IFNGR1: variants seen among roughly 807,000 people sequenced by gnomAD.
IFNGR1 encodes the protein AVP, type 2.
IFNGR1 carries 23 observed loss-of-function variants against 35.4 expected under a neutral mutation model. The ratio of observed to expected loss-of-function variants is 0.65; its 90% CI spans 0.47 to 0.92. IFNGR1 has a LOEUF of 0.92. Among genes scored for constraint, IFNGR1 ranks in the 40% least tolerant of loss-of-function variants. IFNGR1 has a pLI of 0.00. For missense variants in IFNGR1, 533 were observed against 583.4 expected (o/e 0.91, Z 0.89); for synonymous variants, 199 against 209.5 (o/e 0.95, Z 0.43).
chr6:137,198,574 C>T lies in IFNGR1; in HGVS notation c.927G>A (p.Thr309=), dbSNP rs148579116. The change falls in exon 7 of 7, where the codon ACG becomes ACA. Residue 309 remains threonine, a synonymous_variant. Coordinates refer to ENST00000367739, the MANE Select transcript of IFNGR1 (RefSeq NM_000416.3). Reference sequence around the variant, plus strand: ...TTTCTAAGGAAAATGGCTGGTATGACGTGATGAGTGATACATATTTTGATT... The same window carrying T: ...TTTCTAAGGAAAATGGCTGGTATGATGTGATGAGTGATACATATTTTGATT... ...KPESKYVSLI[T]SYQPFSLEKE... 1.3e-5 allele frequency: 21 copies of T among 1,613,750 alleles called. No individual in the cohort carries two copies. The East Asian group carries it at 2.5e-4, about 19-fold the overall frequency.
intron 4 of IFNGR1, 68 bp from the exon 5 acceptor site, chr6:137,203,753 A>T: frequency 4.0e-6 from 5 of 1,258,646 alleles, no homozygotes; most frequent in Non-Finnish European, 5.7e-6. Context: ...AAAAATCACC[A>T]TATTAGTCCT....
At position 137,200,985 on chromosome 6, in the gene IFNGR1, C is replaced by G; in HGVS notation, c.757G>C (p.Ala253Pro). Residue 253 changes from alanine (A) to proline (P), a missense_variant, in exon 6 of 7, where the codon GCT becomes CCT. Transcript: ENST00000367739. ...AGCACTAGAAAGAGTAGTAAAGCAGCAACAACTGGAATCCAAAGAGAACCT... is the reference window on the plus strand; with the variant it reads ...AGCACTAGAAAGAGTAGTAAAGCAGGAACAACTGGAATCCAAAGAGAACCT... ...IKGSLWIPVV[A>P]ALLLFLVLSL... The G allele has an allele frequency of 6.2e-7, 1 of 1,613,276 alleles. No individual in the cohort carries two copies. The highest frequency in any genetic ancestry group is 8.5e-7 in the Non-Finnish European group (1 of 1,179,470).
chr6:137,204,449 A>C lies in IFNGR1; in HGVS notation c.429T>G (p.Ile143Met), dbSNP rs750396277. Residue 143 changes from isoleucine (I) to methionine (M), a missense_variant, in exon 4 of 7, where the codon ATT (isoleucine) becomes ATG (methionine). Coordinates refer to ENST00000367739, the MANE Select transcript of IFNGR1 (RefSeq NM_000416.3). Reference protein sequence around the residue: ...DIRKEEKQIMIDIFHPSVFVN... With the variant: ...DIRKEEKQIMMDIFHPSVFVN... Reference sequence around the variant, plus strand: ...CAAAAACTGAAGGGTGAAATATGTCAATCATGATTTGCTTCTCCTCCTTTC... The same window carrying C: ...CAAAAACTGAAGGGTGAAATATGTCCATCATGATTTGCTTCTCCTCCTTTC... 1.2e-6 allele frequency: 2 copies of C among 1,613,952 alleles called. No homozygotes were observed. Among genetic ancestry groups the C allele is most frequent in the South Asian group, 2.2e-5 (2 of 91,078 alleles).
rs17175350 is a variant in IFNGR1, at chr6:137,198,497, T to G, written c.1004A>C (p.His335Pro). 7.9e-4 allele frequency: 1,271 copies of G among 1,614,194 alleles called. 7 individuals carry two copies. The African/African-American group carries it at 0.015, about 19-fold the overall frequency. The change falls in exon 7 of 7, where the codon CAT becomes CCT. Residue 335 changes from histidine (H) to proline (P), a missense_variant. By Grantham distance (77) the His-to-Pro change is moderately conservative. Transcript: ENST00000367739. ...PLSPATVPGM[H>P]TEDNPGKVEH... is the part of the protein sequence containing the mutation. Reference sequence around the variant, plus strand: ...CACTTTTCCTGGATTGTCTTCGGTATGCATGCCTGGAACTGTTGCTGGAGA... The same window carrying G: ...CACTTTTCCTGGATTGTCTTCGGTAGGCATGCCTGGAACTGTTGCTGGAGA...
At chr6:137,199,410 T>C (rs1394595610) in intron 6 of IFNGR1, among the ~76,000 whole-genome samples, 2 of 122,936 alleles carry the variant, frequency 1.6e-5, no homozygotes, top group African/African-American at 6.1e-5. Flanking sequence ...TAATTTATAA[T>C]ATATTATATA....
At chr6:137,206,350 TTAAA>T (rs1307401507) in intron 2 of IFNGR1, 42 bp from the exon 3 acceptor site, 2 of 1,440,316 alleles carry the variant, frequency 1.4e-6, no homozygotes, top group Non-Finnish European at 9.8e-7. Flanking sequence ...TTTATTGTTA[TTAAA>T]TAAACTCAAA....
chr6:137,207,053 A>G lies in IFNGR1; in HGVS notation c.110T>C (p.Ile37Thr), dbSNP rs945137618. The G allele has an allele frequency of 6.2e-7, 1 of 1,614,034 alleles. No individual in the cohort carries two copies. The highest frequency in any genetic ancestry group is 2.2e-5 in the East Asian group (1 of 44,852). The change falls in exon 2 of 7, where the codon ATT becomes ACT. Residue 37 changes from isoleucine to threonine, a missense_variant. Physicochemically the swap from Ile to Thr is moderately conservative, Grantham distance 89. Coordinates refer to ENST00000367739, the MANE Select transcript of IFNGR1 (RefSeq NM_000416.3). Reference protein sequence around the residue: ...SSVPTPTNVTIESYNMNPIVY... With the variant: ...SSVPTPTNVTTESYNMNPIVY... ...GATAGGGTTCATGTTATAGGATTCAATTGTAACATTAGTTGGTGTAGGCAC... is the reference window on the plus strand; with the variant it reads ...GATAGGGTTCATGTTATAGGATTCAGTTGTAACATTAGTTGGTGTAGGCAC...
At chr6:137,215,301 T>C in intron 1 of IFNGR1, 1 of 1,549,316 alleles carries the variant, frequency 6.5e-7, no homozygotes, top group Non-Finnish European at 8.7e-7. Flanking sequence ...GAAGACTATT[T>C]TCTGGTGACT....
At position 137,200,707 on chromosome 6, in the gene IFNGR1, C is replaced by G. The variant is rs1779256885; in HGVS notation, c.861+174G>C. Among the ~76,000 whole-genome samples, 3 of 151,782 alleles carry G rather than the reference C, an allele frequency of 2.0e-5. No homozygotes were observed. In the South Asian group the frequency reaches 6.2e-4, roughly 31 times the overall value. On this transcript the variant is annotated intron_variant, in intron 6 of 6. Coordinates refer to ENST00000367739, the MANE Select transcript of IFNGR1 (RefSeq NM_000416.3). ...TGAGAATAAAAAAAAAAACAAAATA[C>G]TTGCTGCACAGCAAAAGACACAGTA...
In IFNGR1 at chr6:137,197,908, A is replaced by C. The variant is rs1377458270; in HGVS notation, c.*123T>G. 2 of 1,290,218 alleles carry C rather than the reference A, an allele frequency of 1.6e-6. No homozygotes were observed. The highest frequency in any genetic ancestry group is 2.4e-5 in the East Asian group (1 of 42,520). The allele number at this position is 1,290,218 out of a possible 1,614,324, so 79.9% of individuals were successfully genotyped here. ...CCTCTTTACGCTTTCATGTACACTA[A>C]GTCACTCCATTTGGTTGATACCAAC... is the stretch of plus-strand genomic sequence containing the variant. On this transcript the variant is annotated 3_prime_UTR_variant, in exon 7 of 7. Coordinates refer to ENST00000367739, the MANE Select transcript of IFNGR1 (RefSeq NM_000416.3).
At chr6:137,211,276 T>C (rs1779567160) in intron 1 of IFNGR1, among the ~76,000 whole-genome samples, 3 of 152,106 alleles carry the variant, frequency 2.0e-5, no homozygotes, top group African/African-American at 7.2e-5. Context: ...AATTTAAGTG[T>C]TCTTTAAAAA....
intron 1 of IFNGR1, 95 bp from the exon 2 acceptor site, chr6:137,207,172 T>C (rs1779455625): frequency 6.7e-7 from 1 of 1,484,850 alleles, no homozygotes; most frequent in South Asian, 1.3e-5. Context: ...CCCAGATATG[T>C]ATATTTGAAG....
chr6:137,202,651 AATC>A lies in IFNGR1; in HGVS notation c.733+845_733+847del, dbSNP rs961432010. Reference sequence around the variant, plus strand: ...CACACACACACACACACACAAAGATAATCATCAAAGCATGAGTTACAATATATG... The same window carrying A: ...CACACACACACACACACACAAAGATAATCAAAGCATGAGTTACAATATATG... On this transcript the variant is annotated intron_variant, in intron 5 of 6. Coordinates refer to ENST00000367739, the MANE Select transcript of IFNGR1 (RefSeq NM_000416.3). Among the ~76,000 whole-genome samples the A allele has an allele frequency of 4.0e-5, 6 of 151,784 alleles. No homozygotes were observed. In the South Asian group the frequency reaches 6.2e-4, roughly 16 times the overall value.
rs1413381099 is a variant in IFNGR1, at chr6:137,219,368, CG to C, written c.-42del. ...CGCTGGCTCCAACCCCGAGCGCCTG[CG>C]GGACCAGCCCAGCACTGCCCTCCAG... On this transcript the variant is annotated 5_prime_UTR_variant, in exon 1 of 7. Coordinates refer to ENST00000367739, the MANE Select transcript of IFNGR1 (RefSeq NM_000416.3). 6.4e-7 allele frequency: 1 copy of C among 1,574,158 alleles called. No homozygotes were observed. Among genetic ancestry groups the C allele is most frequent in the Non-Finnish European group, 8.6e-7 (1 of 1,159,970 alleles).
At position 137,205,930 on chromosome 6, in the gene IFNGR1, C is replaced by T. The variant is rs557487296; in HGVS notation, c.373+206G>A. Among the ~76,000 whole-genome samples the T allele has an allele frequency of 2.0e-5, 3 of 152,190 alleles. 1 individual carries two copies. The highest frequency in any genetic ancestry group is 7.2e-5 in the African/African-American group (3 of 41,512). Reference sequence around the variant, plus strand: ...CTCCAATGAGTATTTCCTTTGAGTGCCATGCTGGCGCTCAAAAAGTTTCAG... The same window carrying T: ...CTCCAATGAGTATTTCCTTTGAGTGTCATGCTGGCGCTCAAAAAGTTTCAG... On this transcript the variant is annotated intron_variant, in intron 3 of 6. Coordinates refer to ENST00000367739, the MANE Select transcript of IFNGR1 (RefSeq NM_000416.3).
chr6:137,205,732 T>C (rs1195742447), intron 3 of IFNGR1, among the ~76,000 whole-genome samples: 1 of 152,204 alleles, frequency 6.6e-6, no homozygotes, highest in African/African-American at 2.4e-5. Flanking sequence ...GATGGCCACC[T>C]GTTAGCCCTA....
chr6:137,207,565 AG>A (rs1456639023), intron 1 of IFNGR1, among the ~76,000 whole-genome samples: 1 of 152,128 alleles, frequency 6.6e-6, no homozygotes, highest in Non-Finnish European at 1.5e-5. Context: ...CATGGGGGCC[AG>A]TCTTTCCTGT....
Position 137,198,346 on chromosome 6 carries a change from G to A in IFNGR1, c.1155C>T (p.Asn385=), listed in dbSNP as rs148989052. The A allele has an allele frequency of 6.3e-5, 102 of 1,613,822 alleles. No individual in the cohort carries two copies. In the African/African-American group the frequency reaches 1.3e-3, roughly 21 times the overall value. The change falls in exon 7 of 7, where the codon AAC becomes AAT. Residue 385 remains asparagine (N), a synonymous_variant. Coordinates refer to ENST00000367739, the MANE Select transcript of IFNGR1 (RefSeq NM_000416.3). ...AAGCGATGCTGCCAGGTTCAGACTG[G>A]TTACTACTTAAAGGTGAAGAACTCT... ...ERESSSPLSS[N]QSEPGSIALN...
intron 6 of IFNGR1, among the ~76,000 whole-genome samples, chr6:137,199,528 A>ATATATAATATATATT (rs1779209546): frequency 2.7e-5 from 1 of 36,898 alleles, no homozygotes; most frequent in African/African-American, 9.6e-5. Context: ...TATTATATAT[A>ATATATAATATATATT]ATATATAATA....
Sources: allele counts gnomAD v4.1 joint callset (sites outside exome capture counted in the v4.1 genomes callset), GRCh38; gene constraint gnomAD v4.1.1; transcripts MANE v1.5; gene names NCBI Gene and HGNC (gene_info 2026-07-23, HGNC 2026-07-21).